ARRB1: variants seen among roughly 807,000 people sequenced by gnomAD.
The protein encoded by ARRB1 is beta-arrestin-1.
A neutral mutation model predicts 56.8 loss-of-function variants in ARRB1; 21 were observed. That is an observed-to-expected ratio of 0.37 (90% CI 0.26 to 0.53). The LOEUF (loss-of-function observed/expected upper bound fraction) is 0.53. Among genes scored for constraint, ARRB1 ranks in the 20% least tolerant of loss-of-function variants. The pLI, the probability that ARRB1 is intolerant of heterozygous loss-of-function variation, is 0.88. For synonymous variants in ARRB1, 210 were observed against 218.6 expected (o/e 0.96, Z 0.35); for missense variants, 424 against 553.7 (o/e 0.77, Z 2.35).
intron 1 of ARRB1, among the ~76,000 whole-genome samples, chr11:75,319,047 C>T (rs190530002): frequency 6.6e-6 from 1 of 152,296 alleles, no homozygotes; most frequent in Admixed American, 6.5e-5. Flanking sequence ...ACAACTGTAG[C>T]ACACAGAAGT....
intron 14 of ARRB1, 52 bp downstream of exon 14, chr11:75,268,837 C>T (rs371208686): frequency 4.3e-5 from 68 of 1,585,844 alleles, no homozygotes; most frequent in African/African-American, 1.2e-4. Context: ...TACAGGGTCA[C>T]GTGGCAGCTG....
At chr11:75,324,788 C>A (rs1255925624) in intron 1 of ARRB1, among the ~76,000 whole-genome samples, 1 of 152,198 alleles carries the variant, frequency 6.6e-6, no homozygotes, top group Non-Finnish European at 1.5e-5. Context: ...CTGGAAGGTT[C>A]TAACTGCTAC....
chr11:75,315,627 C>T lies in ARRB1; in HGVS notation c.21-25588G>A, dbSNP rs945448728. Among the ~76,000 whole-genome samples, 13 of 152,272 alleles carry T rather than the reference C, an allele frequency of 8.5e-5. 1 individual carries two copies. The highest frequency in any genetic ancestry group is 5.2e-4 in the Admixed American group (8 of 15,280). On this transcript the variant is annotated intron_variant, in intron 1 of 15. Transcript: ENST00000420843. ...ACTTCCTCAGTGTCTCACCTGACCA[C>T]GTACTCTCCTAGAGAGTGGTTTTCT...
intron 1 of ARRB1, among the ~76,000 whole-genome samples, chr11:75,294,010 C>T (rs1418883743): frequency 6.6e-6 from 1 of 152,174 alleles, no homozygotes; most frequent in Admixed American, 6.5e-5. Flanking sequence ...ACACTGTTTC[C>T]ACTCTGATTC....
chr11:75,290,251 G>A (rs547910450), intron 1 of ARRB1, among the ~76,000 whole-genome samples: 1 of 152,274 alleles, frequency 6.6e-6, no homozygotes, highest in Admixed American at 6.5e-5. Flanking sequence ...CCTGGGCTAC[G>A]CAACAGCCGC....
rs751829583 is a variant in ARRB1 at position 75,312,052 on chromosome 11, T to C, written c.21-22013A>G. On this transcript the variant is annotated intron_variant, in intron 1 of 15. Transcript: ENST00000420843. ...GCCCAGCCTCTTCCCCTCCTCTAAGTGCTGATCACCTCAGCCTCTCCCGCT... is the reference window on the plus strand; with the variant it reads ...GCCCAGCCTCTTCCCCTCCTCTAAGCGCTGATCACCTCAGCCTCTCCCGCT... 4.7e-6 allele frequency: 6 copies of C among 1,289,416 alleles called. No individual in the cohort carries two copies. In the South Asian group the frequency reaches 6.2e-5, roughly 13 times the overall value. The allele number at this position is 1,289,416 out of a possible 1,614,324, so 79.9% of individuals were successfully genotyped here.
At chr11:75,310,125 A>T (rs1947124536) in intron 1 of ARRB1, among the ~76,000 whole-genome samples, 1 of 152,108 alleles carries the variant, frequency 6.6e-6, no homozygotes, top group South Asian at 2.1e-4. Context: ...AACTGCGCAA[A>T]TGGAAATCGA....
chr11:75,297,067 C>G (rs907686811), intron 1 of ARRB1, among the ~76,000 whole-genome samples: 8 of 152,078 alleles, frequency 5.3e-5, no homozygotes, highest in African/African-American at 1.9e-4. Flanking sequence ...CAGAATAGTA[C>G]GTTTGGCATG....
At chr11:75,326,216 G>T (rs1342314001) in intron 1 of ARRB1, among the ~76,000 whole-genome samples, 1 of 152,208 alleles carries the variant, frequency 6.6e-6, no homozygotes, top group Non-Finnish European at 1.5e-5. Flanking sequence ...TGCTGCCGGA[G>T]GATGTGCGAG....
At chr11:75,343,785 C>T (rs1395542892) in intron 1 of ARRB1, among the ~76,000 whole-genome samples, 1 of 152,032 alleles carries the variant, frequency 6.6e-6, no homozygotes, top group East Asian at 1.9e-4. Flanking sequence ...GAGAAGGCTT[C>T]CTGGAGGAAG....
Position 75,344,450 on chromosome 11 carries a change from T to C in ARRB1, c.20+7138A>G, listed in dbSNP as rs141657165. Among the ~76,000 whole-genome samples, 940 of 152,304 alleles carry C rather than the reference T, an allele frequency of 6.2e-3. 9 individuals are homozygous for C. The highest frequency in any genetic ancestry group is 0.022 in the South Asian group (106 of 4,828). On this transcript the variant is annotated intron_variant, in intron 1 of 15. Transcript: ENST00000420843. ...ACAGCAATAAGTAAGCAGTAGAGCA[T>C]GCCTCTGGGACCATTCTGAGATGGT...
Position 75,265,048 on chromosome 11 carries a change from T to G in ARRB1, c.*1115A>C, listed in dbSNP as rs1322834802. Reference sequence around the variant, plus strand: ...GCCTCCTTCCCTTCGGGTGAGGATATCTCAGTGGATGCTGCCACCTTCTGA... The same window carrying G: ...GCCTCCTTCCCTTCGGGTGAGGATAGCTCAGTGGATGCTGCCACCTTCTGA... On this transcript the variant is annotated 3_prime_UTR_variant, in exon 16 of 16. Transcript: ENST00000420843. The G allele has an allele frequency of 1.3e-5, 2 of 152,206 alleles. No individual in the cohort carries two copies. The highest frequency in any genetic ancestry group is 4.8e-5 in the African/African-American group (2 of 41,452). The allele number at this position is 152,206 out of a possible 1,614,324, so 9.4% of individuals were successfully genotyped here.
intron 3 of ARRB1, among the ~76,000 whole-genome samples, chr11:75,286,518 A>G (rs1789688): frequency 0.92 from 139,021 of 151,702 alleles, 63,788 homozygotes; most frequent in Non-Finnish European, 0.92. Context: ...TGGGTGATCC[A>G]CCTCCCAAAG....
At chr11:75,329,020 C>G (rs1947480408) in intron 1 of ARRB1, among the ~76,000 whole-genome samples, 1 of 151,856 alleles carries the variant, frequency 6.6e-6, no homozygotes, top group East Asian at 1.9e-4. Flanking sequence ...AAATTGGTCA[C>G]TGCACCTCTC....
chr11:75,267,013 G>C (rs984118996), intron 15 of ARRB1, among the ~76,000 whole-genome samples: 1 of 152,136 alleles, frequency 6.6e-6, no homozygotes, highest in Non-Finnish European at 1.5e-5. Flanking sequence ...TGTCCACCTG[G>C]GTCCCCTGCC....
intron 1 of ARRB1, among the ~76,000 whole-genome samples, chr11:75,304,501 G>T (rs974587967): frequency 6.6e-6 from 1 of 152,050 alleles, no homozygotes; most frequent in Non-Finnish European, 1.5e-5. Flanking sequence ...GCTTGTACAG[G>T]CTCATAAGAG....
At chr11:75,279,686 G>A (rs1271400437) in intron 7 of ARRB1, among the ~76,000 whole-genome samples, 1 of 152,026 alleles carries the variant, frequency 6.6e-6, no homozygotes, top group African/African-American at 2.4e-5. Context: ...TATTTATTTT[G>A]AGATGGAGTC....
At chr11:75,325,295 C>T (rs994074139) in intron 1 of ARRB1, among the ~76,000 whole-genome samples, 4 of 152,008 alleles carry the variant, frequency 2.6e-5, no homozygotes, top group Admixed American at 2.6e-4. Context: ...GCCCAGAATG[C>T]CAGCCCAAAA....
At chr11:75,311,245 A>G (rs1166300737) in intron 1 of ARRB1, among the ~76,000 whole-genome samples, 1 of 152,250 alleles carries the variant, frequency 6.6e-6, no homozygotes, top group Non-Finnish European at 1.5e-5. Context: ...CTGGGGCAGG[A>G]GAATCACTTG....
Sources: allele counts gnomAD v4.1 joint callset (sites outside exome capture counted in the v4.1 genomes callset), GRCh38; gene constraint gnomAD v4.1.1; transcripts MANE v1.5; gene names NCBI Gene and HGNC (gene_info 2026-07-23, HGNC 2026-07-21).